The following DNAH17 variants were observed in gnomAD, a reference collection of about 807,000 sequenced individuals.
The protein encoded by DNAH17 is dynein axonemal heavy chain 17.
Under a neutral mutation model 485.6 loss-of-function variants are expected in DNAH17, and 376 were observed. The observed-to-expected ratio is 0.77, with a 90% CI of 0.71 to 0.84. The LOEUF is 0.84. Among genes scored for constraint, DNAH17 ranks in the 40% least tolerant of loss-of-function variants. DNAH17 has a pLI of 0.00. For synonymous variants in DNAH17, 3,031 were observed against 2,405.9 expected, an observed-to-expected ratio of 1.26 and a Z score of -7.60; for missense variants, 6,370 against 5,839.3, an observed-to-expected ratio of 1.09 and a Z score of -2.96.
At chr17:78,555,851 G>A (rs962680981) in intron 14 of DNAH17, among the ~76,000 whole-genome samples, 4 of 152,168 alleles carry the variant, frequency 2.6e-5, no homozygotes, top group Admixed American at 6.5e-5. Flanking sequence ...GAGGAAGGAG[G>A]AATTCACCCC....
intron 50 of DNAH17, 27 bp downstream of exon 50, chr17:78,479,458 G>T (rs1244241047): frequency 6.3e-7 from 1 of 1,587,088 alleles, no homozygotes; most frequent in Admixed American, 1.9e-5. Flanking sequence ...TTACCGATGG[G>T]AGAGGGGATG....
At position 78,486,477 on chromosome 17, in the gene DNAH17, T is replaced by G; in HGVS notation, c.6848A>C (p.Lys2283Thr). ...CAGGTTGGCCTTCTCCGACTGCACC[T>G]TGCGCCTCTCGATCCAGCTGCTCAC... ...PVVSSWIERR[K>T]VQSEKANLMI... The change falls in exon 45 of 81, where the codon AAG (lysine) becomes ACG (threonine). Residue 2283 changes from lysine to threonine, a missense_variant. Coordinates refer to ENST00000389840, the MANE Select transcript of DNAH17 (RefSeq NM_173628.4). The G allele has an allele frequency of 6.2e-7, 1 of 1,611,696 alleles. No individual in the cohort carries two copies. Among genetic ancestry groups the G allele is most frequent in the Non-Finnish European group, 8.5e-7 (1 of 1,178,696 alleles).
rs2087958395 is a variant in DNAH17, at chr17:78,459,120, T to C, written c.9742A>G (p.Ile3248Val). The C allele has an allele frequency of 1.2e-6, 2 of 1,614,016 alleles. No individual in the cohort carries two copies. The highest frequency in any genetic ancestry group is 4.5e-5 in the East Asian group (2 of 44,890). Residue 3248 changes from isoleucine to valine, a missense_variant, in exon 61 of 81, where the codon ATC becomes GTC. Physicochemically the swap from Ile to Val is conservative, Grantham distance 29. Transcript: ENST00000389840. Reference protein sequence around the residue: ...AAGLCSWCINIVRFYEVYCDV... With the variant: ...AAGLCSWCINVVRFYEVYCDV... ...CAGTAGACCTCGTAGAAGCGGACGATGTTGATGCACCAGGAGCACAGGCCG... is the reference window on the plus strand; with the variant it reads ...CAGTAGACCTCGTAGAAGCGGACGACGTTGATGCACCAGGAGCACAGGCCG...
At chr17:78,484,827 C>T (rs1276936305) in intron 48 of DNAH17, 41 bp downstream of exon 48, 13 of 1,494,386 alleles carry the variant, frequency 8.7e-6, no homozygotes, top group South Asian at 1.3e-5. Context: ...CCCTCACCGC[C>T]CCGGGGCCAC....
At chr17:78,542,417 G>A (rs1318701948) in intron 17 of DNAH17, among the ~76,000 whole-genome samples, 1 of 152,114 alleles carries the variant, frequency 6.6e-6, no homozygotes, top group Non-Finnish European at 1.5e-5. Flanking sequence ...CAAAGTGCTG[G>A]GACTACCAGC....
intron 3 of DNAH17, 116 bp downstream of exon 3, chr17:78,572,585 A>G: frequency 3.1e-6 from 3 of 974,318 alleles, no homozygotes; most frequent in Non-Finnish European, 2.9e-6. Flanking sequence ...TAACATGTGA[A>G]GCCACTCTGC....
Position 78,571,713 on chromosome 17 carries a change from C to T in DNAH17, c.609G>A (p.Gln203=). The change falls in exon 4 of 81, where the codon CAG becomes CAA. Residue 203 remains glutamine (Q), a synonymous_variant. Coordinates refer to ENST00000389840, the MANE Select transcript of DNAH17 (RefSeq NM_173628.4). ...AGTCTTTGCTCAGCACATCCCGGAT[C>T]TGGTGGGACCAGTCGATGATGGTGG... is the stretch of plus-strand genomic sequence containing the variant. ...IETTIIDWSH[Q]IRDVLSKDSA... is the part of the protein sequence containing the mutation. The T allele has an allele frequency of 6.2e-7, 1 of 1,613,676 alleles. No homozygotes were observed. Among genetic ancestry groups the T allele is most frequent in the Non-Finnish European group, 8.5e-7 (1 of 1,179,670 alleles).
rs187178839 is a variant in DNAH17, at chr17:78,507,523, C to T, written c.4519G>A (p.Glu1507Lys). The change falls in exon 28 of 81, where the codon GAA becomes AAA. Residue 1507 changes from glutamate (E) to lysine (K), a missense_variant. Transcript: ENST00000389840. ...SHLESIFIGS[E>K]DIRTQLPGDS... ...CCCGGGAGCTGGGTGCGGATGTCTT[C>T]GGAGCCGATGAAGATGCTCTCCAGG... The T allele has an allele frequency of 3.2e-4, 520 of 1,614,002 alleles. 2 individuals are homozygous for T. The African/African-American group carries it at 4.6e-3, about 14-fold the overall frequency.
At chr17:78,438,192 G>A (rs1232114740) in intron 73 of DNAH17, among the ~76,000 whole-genome samples, 4 of 151,498 alleles carry the variant, frequency 2.6e-5, no homozygotes, top group South Asian at 2.1e-4. Flanking sequence ...TCCTCTTGAA[G>A]CTGAGGGCTT....
At chr17:78,451,427 G>T in intron 66 of DNAH17, 42 bp downstream of exon 66, 2 of 1,563,732 alleles carry the variant, frequency 1.3e-6, no homozygotes, top group Non-Finnish European at 8.7e-7. Context: ...CCTCTGTGTG[G>T]GACGGCACCT....
chr17:78,573,740 C>CA lies in DNAH17; in HGVS notation c.346-847dup, dbSNP rs551653587. ...GACCCAGGGAGAAGATGTCCATCTG[C>CA]AAGTCAAGGAGAGAGGCCTTGGGGA... On this transcript the variant is annotated intron_variant, in intron 2 of 80. Coordinates refer to ENST00000389840, the MANE Select transcript of DNAH17 (RefSeq NM_173628.4). Among the ~76,000 whole-genome samples, 10 of 152,204 alleles carry CA rather than the reference C, an allele frequency of 6.6e-5. No homozygotes were observed. The East Asian group carries it at 1.7e-3, about 26-fold the overall frequency.
rs1054653272 is a variant in DNAH17 at position 78,460,400 on chromosome 17, GTGTA to G, written c.9340-147_9340-144del. ...TGTATGTGTGCATATATGTGCATGA[GTGTA>G]TGTGTGTGCATGTATGTGTATGTGC... On this transcript the variant is annotated intron_variant, in intron 58 of 80. Transcript: ENST00000389840. The G allele has an allele frequency of 1.7e-4, 115 of 670,040 alleles. 1 individual carries two copies. The highest frequency in any genetic ancestry group is 5.4e-4 in the African/African-American group (30 of 55,686). The allele number at this position is 670,040 out of a possible 1,614,324, so 41.5% of individuals were successfully genotyped here. A position where few individuals can be genotyped will look rare whatever the true frequency, so the allele number is the denominator to read the frequency against.
chr17:78,444,539 C>G (rs2087199728), intron 71 of DNAH17, 65 bp downstream of exon 71: 1 of 1,455,518 alleles, frequency 6.9e-7, no homozygotes, highest in African/African-American at 1.4e-5. Context: ...AGCACAGCCG[C>G]TCGGTCAAGC....
Position 78,451,577 on chromosome 17 carries a change from C to T in DNAH17, c.10626G>A (p.Met3542Ile), listed in dbSNP as rs778916858. 6.2e-7 allele frequency: 1 copy of T among 1,613,504 alleles called. No homozygotes were observed. The highest frequency in any genetic ancestry group is 8.5e-7 in the Non-Finnish European group (1 of 1,179,600). The change falls in exon 66 of 81, where the codon ATG (methionine) becomes ATA (isoleucine). Residue 3542 changes from methionine (M) to isoleucine (I), a missense_variant. Transcript: ENST00000389840. ...AGTTGATGAGGGTGCACTGAGCCTG[C>T]ATCTCTGGCTTGTAGTGTGGGTTGA... ...KYFNPHYKPEMQAQCTLINFL... is the reference protein window; with the variant it reads ...KYFNPHYKPEIQAQCTLINFL...
At chr17:78,466,630 G>C (rs1318014734) in intron 56 of DNAH17, 25 bp downstream of exon 56, 1 of 1,590,050 alleles carries the variant, frequency 6.3e-7, no homozygotes, top group Non-Finnish European at 8.6e-7. Context: ...TCTACACTCA[G>C]GCAGAGGTGG....
intron 27 of DNAH17, 49 bp from the exon 28 acceptor site, chr17:78,507,854 G>T (rs1033738249): frequency 1.4e-6 from 2 of 1,459,508 alleles, no homozygotes; most frequent in South Asian, 2.7e-5. Context: ...GGCATGCAAA[G>T]CTCAGGCAGG....
intron 9 of DNAH17, among the ~76,000 whole-genome samples, chr17:78,567,585 G>A (rs1411204073): frequency 6.6e-6 from 1 of 152,140 alleles, no homozygotes; most frequent in East Asian, 1.9e-4. Flanking sequence ...CCGCTACCTG[G>A]AAGACCATCC....
At chr17:78,572,595 C>A in intron 3 of DNAH17, 106 bp downstream of exon 3, 2 of 1,076,888 alleles carry the variant, frequency 1.9e-6, no homozygotes, top group Non-Finnish European at 1.3e-6. Context: ...AGCCACTCTG[C>A]AGGGAAACAA....
In DNAH17 at chr17:78,558,096, T is replaced by C; in HGVS notation, c.2178+12A>G. The C allele has an allele frequency of 6.2e-7, 1 of 1,610,274 alleles. No homozygotes were observed. The highest frequency in any genetic ancestry group is 1.1e-5 in the South Asian group (1 of 90,426). On this transcript the variant is annotated intron_variant, in intron 14 of 80. Coordinates refer to ENST00000389840, the MANE Select transcript of DNAH17 (RefSeq NM_173628.4). ...AAGCTGCATCAGGAATAGTACCGAC[T>C]CACCAACTCACCTCATTATACCAGC...
Sources: gnomAD v4.1 joint callset for allele counts (sites outside exome capture counted in the v4.1 genomes callset) on GRCh38, gnomAD v4.1.1 for gene constraint, MANE v1.5 for transcripts, NCBI Gene and HGNC (gene_info 2026-07-23, HGNC 2026-07-21) for gene names.